The following ADAMTS16 variants were observed in gnomAD, a reference collection of about 807,000 sequenced individuals.
ADAMTS16 encodes ADAM metallopeptidase with thrombospondin type 1 motif 16.
In ADAMTS16, 94 loss-of-function variants were observed where a neutral mutation model predicts 145.8. That is an observed-to-expected ratio of 0.64 (90% CI 0.55 to 0.77). The LOEUF is 0.77. ADAMTS16 is among the 30% of genes least tolerant of loss of function. ADAMTS16 has a pLI of 0.00. For missense variants in ADAMTS16, 1,585 were observed against 1,591.5 expected, an observed-to-expected ratio of 1.00 and a Z score of 0.07; for synonymous variants, 659 against 604.3, an observed-to-expected ratio of 1.09 and a Z score of -1.33.
intron 8 of ADAMTS16, among the ~76,000 whole-genome samples, chr5:5,196,237 CAAA>C (rs10680781): frequency 2.1e-5 from 2 of 95,088 alleles, no homozygotes; most frequent in Non-Finnish European, 2.0e-5. Context: ...GCCTCCATCT[CAAA>C]AAAAAAAAAA....
chr5:5,186,301 G>GGGGT (rs368811446), intron 5 of ADAMTS16, 50 bp downstream of exon 5: 87,598 of 978,930 alleles, frequency 0.089, 1,080 homozygotes, highest in Middle Eastern at 0.11. Context: ...CACTTCGTAG[G>GGGGT]GTGTGTGTGT....
rs757190993 is a variant in ADAMTS16, at chr5:5,235,202, C to T, written c.2023+16C>T. 2.6e-6 allele frequency: 4 copies of T among 1,550,302 alleles called. No homozygotes were observed. In the South Asian group the frequency reaches 4.7e-5, roughly 18 times the overall value. ...CAAGTAGAAGGTAAATCTCAAACTG[C>T]TTTCGGGTAATAGCCTCATGCTTTA... On this transcript the variant is annotated intron_variant, in intron 13 of 22. Transcript: ENST00000274181.
rs1294315307 is a variant in ADAMTS16, at chr5:5,310,936, TGCAGAGCCCTAGC to T, written c.3411+4209_3411+4221del. ...AAGTGCCTTCTTTCACTTTATATGC[TGCAGAGCCCTAGC>T]CCAGAGCCACGAGGACCAGAGATAT... On this transcript the variant is annotated intron_variant, in intron 21 of 22. Coordinates refer to ENST00000274181, the MANE Select transcript of ADAMTS16 (RefSeq NM_139056.4). This position sits in a 1 kb window ranked among gnomAD's most constrained non-coding sequence, Gnocchi z 4.3. Among the ~76,000 whole-genome samples, 1 of 152,130 alleles carries T rather than the reference TGCAGAGCCCTAGC, an allele frequency of 6.6e-6. No individual in the cohort carries two copies. The highest frequency in any genetic ancestry group is 1.5e-5 in the Non-Finnish European group (1 of 68,034).
chr5:5,262,880 C>T (rs1738083637), intron 18 of ADAMTS16, 97 bp downstream of exon 18: 1 of 1,524,884 alleles, frequency 6.6e-7, no homozygotes, highest in Non-Finnish European at 8.9e-7. Flanking sequence ...GTGCTGATTG[C>T]CATCATGTCA....
At chr5:5,296,966 C>T (rs1739565019) in intron 18 of ADAMTS16, among the ~76,000 whole-genome samples, 1 of 152,174 alleles carries the variant, frequency 6.6e-6, no homozygotes, top group African/African-American at 2.4e-5. Flanking sequence ...GGAGAGGTGG[C>T]CTTCCAGCAC....
intron 11 of ADAMTS16, among the ~76,000 whole-genome samples, chr5:5,230,818 C>T (rs1212396192): frequency 6.6e-6 from 1 of 152,166 alleles, no homozygotes; most frequent in Non-Finnish European, 1.5e-5. Flanking sequence ...GATAAACATC[C>T]TTGCTTTTGA....
chr5:5,306,491 C>T lies in ADAMTS16; in HGVS notation c.3187-13C>T. 1 of 1,595,044 alleles carries T rather than the reference C, an allele frequency of 6.3e-7. No individual in the cohort carries two copies. The highest frequency in any genetic ancestry group is 1.3e-5 in the African/African-American group (1 of 74,274). On this transcript the variant is annotated splice_polypyrimidine_tract_variant and intron_variant, in intron 20 of 22. Transcript: ENST00000274181. ...ATTTTTTTCACTGACTTCTTTTGTTCTCTTCTTTTTAGTGCTCTGTGACAT... is the reference window on the plus strand; with the variant it reads ...ATTTTTTTCACTGACTTCTTTTGTTTTCTTCTTTTTAGTGCTCTGTGACAT...
chr5:5,204,775 A>G (rs1736048311), intron 9 of ADAMTS16, among the ~76,000 whole-genome samples: 1 of 152,220 alleles, frequency 6.6e-6, no homozygotes, highest in Admixed American at 6.5e-5. Context: ...TCTTGAGTGT[A>G]CATAGGAATG....
chr5:5,224,893 T>C (rs140142867), intron 11 of ADAMTS16, among the ~76,000 whole-genome samples: 12 of 152,332 alleles, frequency 7.9e-5, no homozygotes, highest in African/African-American at 2.9e-4. Context: ...AATGTAGTTG[T>C]GATGCTTTTT....
At chr5:5,163,990 A>T (rs1560929761) in intron 3 of ADAMTS16, among the ~76,000 whole-genome samples, 1 of 152,172 alleles carries the variant, frequency 6.6e-6, no homozygotes. Flanking sequence ...TGTGAATCTT[A>T]CTAAACATGT....
intron 8 of ADAMTS16, among the ~76,000 whole-genome samples, chr5:5,192,219 C>G (rs1028982339): frequency 1.3e-5 from 2 of 152,140 alleles, no homozygotes; most frequent in African/African-American, 4.8e-5. Context: ...AAAGCCACAG[C>G]AATGCACAAG....
At chr5:5,193,199 G>A (rs150094888) in intron 8 of ADAMTS16, among the ~76,000 whole-genome samples, 6 of 152,206 alleles carry the variant, frequency 3.9e-5, no homozygotes, top group African/African-American at 9.6e-5. Context: ...GTATGTTTGC[G>A]TGTGTATACA....
At chr5:5,164,143 T>A (rs1327789853) in intron 3 of ADAMTS16, among the ~76,000 whole-genome samples, 1 of 152,172 alleles carries the variant, frequency 6.6e-6, no homozygotes, top group East Asian at 1.9e-4. Context: ...ACCTTCAACC[T>A]ATCAGTCCCG....
chr5:5,284,028 ATTAT>A (rs1224656249), intron 18 of ADAMTS16, among the ~76,000 whole-genome samples: 2 of 152,170 alleles, frequency 1.3e-5, no homozygotes, highest in African/African-American at 4.8e-5. Context: ...TCTTATTTGA[ATTAT>A]TTAACTTTTT....
chr5:5,240,995 G>A (rs1398181053), intron 16 of ADAMTS16, among the ~76,000 whole-genome samples: 24 of 152,138 alleles, frequency 1.6e-4, no homozygotes, highest in African/African-American at 5.6e-4. Flanking sequence ...CGGAAGAAGA[G>A]TTGCAGAGCC....
At chr5:5,188,943 C>T (rs1365145469) in intron 6 of ADAMTS16, among the ~76,000 whole-genome samples, 2 of 152,164 alleles carry the variant, frequency 1.3e-5, no homozygotes, top group Non-Finnish European at 2.9e-5. Flanking sequence ...GCGAGGTTAT[C>T]GTTTGATCGT....
chr5:5,195,173 T>G (rs1339463535), intron 8 of ADAMTS16, among the ~76,000 whole-genome samples: 1 of 147,214 alleles, frequency 6.8e-6, no homozygotes, highest in Non-Finnish European at 1.5e-5. Context: ...GAACCAGAAC[T>G]GAGATATGTG....
At chr5:5,263,378 A>G (rs543326265) in intron 18 of ADAMTS16, among the ~76,000 whole-genome samples, 1 of 152,364 alleles carries the variant, frequency 6.6e-6, no homozygotes, top group African/African-American at 2.4e-5. Context: ...GTCAGGAGCC[A>G]TCACGTCTGG....
chr5:5,157,290 A>G (rs1734626752), intron 3 of ADAMTS16, among the ~76,000 whole-genome samples: 1 of 152,042 alleles, frequency 6.6e-6, no homozygotes, highest in Non-Finnish European at 1.5e-5. Context: ...AATAGGTTGA[A>G]TTTCTATTTT....
Sources: gnomAD v4.1 joint callset for allele counts (sites outside exome capture counted in the v4.1 genomes callset) on GRCh38, gnomAD v4.1.1 for gene constraint, Gnocchi (gnomAD v3.1) non-coding constraint, MANE v1.5 for transcripts, NCBI Gene and HGNC (gene_info 2026-07-23, HGNC 2026-07-21) for gene names.